TBCA: variants seen among roughly 807,000 people sequenced by gnomAD.
The protein encoded by TBCA is tubulin-specific chaperone A.
Under a neutral mutation model 15.8 loss-of-function variants are expected in TBCA, and 6 were observed. The ratio of observed to expected loss-of-function variants is 0.38; its 90% confidence interval spans 0.21 to 0.75. The LOEUF is 0.75. Ranked by LOEUF, TBCA falls within the 30% of genes least tolerant of loss-of-function variation. The pLI, the probability that TBCA is intolerant of heterozygous loss-of-function variation, is 0.46. For synonymous variants in TBCA, 32 were observed against 42.3 expected (o/e 0.76, Z 0.94); for missense variants, 90 against 131.2 (o/e 0.69, Z 1.53).
At chr5:77,774,721 A>G (rs1162714787) in intron 1 of TBCA, among the ~76,000 whole-genome samples, 1 of 152,192 alleles carries the variant, frequency 6.6e-6, no homozygotes, top group Non-Finnish European at 1.5e-5. Flanking sequence ...ACATGTCATC[A>G]GGACTTCCTG....
chr5:77,706,946 G>A (rs1013537264), intron 2 of TBCA, among the ~76,000 whole-genome samples: 1 of 152,102 alleles, frequency 6.6e-6, no homozygotes, highest in Non-Finnish European at 1.5e-5. Flanking sequence ...GTATCTGGAT[G>A]AGTGGAGGTA....
At chr5:77,739,503 T>A (rs1194178827) in intron 1 of TBCA, among the ~76,000 whole-genome samples, 1 of 152,156 alleles carries the variant, frequency 6.6e-6, no homozygotes, top group Non-Finnish European at 1.5e-5. Context: ...AGAAGGCCAA[T>A]CATCTTTGGC....
At chr5:77,747,293 A>C (rs1485152587) in intron 1 of TBCA, among the ~76,000 whole-genome samples, 2 of 152,148 alleles carry the variant, frequency 1.3e-5, no homozygotes, top group African/African-American at 4.8e-5. Flanking sequence ...CTTTCACTAC[A>C]TATAACATTG....
intron 2 of TBCA, chr5:77,694,101 T>G (rs1172484787): frequency 6.6e-6 from 1 of 152,182 alleles, no homozygotes; most frequent in African/African-American, 2.4e-5. Context: ...AGATAATTAC[T>G]GCATGAAAAA....
intron 1 of TBCA, among the ~76,000 whole-genome samples, chr5:77,765,488 G>A (rs1175992960): frequency 6.6e-6 from 1 of 152,194 alleles, no homozygotes; most frequent in Non-Finnish European, 1.5e-5. Context: ...AACTCTCATA[G>A]AGATGGTGAC....
chr5:77,713,903 A>AT (rs34071197), intron 1 of TBCA, among the ~76,000 whole-genome samples: 57,065 of 149,688 alleles, frequency 0.38, 10,838 homozygotes, highest in South Asian at 0.41. Flanking sequence ...GCAAGTAAAG[A>AT]TTTTTTTTTT....
intron 2 of TBCA, chr5:77,705,480 GA>G: frequency 2.5e-6 from 1 of 397,074 alleles, no homozygotes; most frequent in Non-Finnish European, 4.4e-6. Context: ...ATAATTTTAA[GA>G]ATAAAAAGTT....
At chr5:77,726,340 A>G (rs1232016912) in intron 1 of TBCA, among the ~76,000 whole-genome samples, 2 of 152,240 alleles carry the variant, frequency 1.3e-5, no homozygotes, top group East Asian at 3.8e-4. Context: ...TCTGGAATGG[A>G]GGCCACTGTT....
intron 1 of TBCA, among the ~76,000 whole-genome samples, chr5:77,722,315 G>T (rs1746544935): frequency 6.6e-6 from 1 of 152,006 alleles, no homozygotes; most frequent in Non-Finnish European, 1.5e-5. Context: ...GGGAAAATCT[G>T]TCCTTTAATT....
At chr5:77,750,570 ATAAT>A (rs1346133834) in intron 1 of TBCA, among the ~76,000 whole-genome samples, 2 of 152,232 alleles carry the variant, frequency 1.3e-5, no homozygotes, top group Non-Finnish European at 2.9e-5. Context: ...TTCACCTAAA[ATAAT>A]TAGTAGTAGC....
intron 1 of TBCA, among the ~76,000 whole-genome samples, chr5:77,759,264 A>T (rs1747549738): frequency 6.6e-6 from 1 of 152,230 alleles, no homozygotes; most frequent in Non-Finnish European, 1.5e-5. Flanking sequence ...TATTATCCGT[A>T]GAAAGGAACA....
intron 1 of TBCA, among the ~76,000 whole-genome samples, chr5:77,722,025 A>G (rs1746540278): frequency 6.6e-6 from 1 of 152,072 alleles, no homozygotes. Context: ...AAAAATATAT[A>G]AATTATGTCT....
chr5:77,719,053 G>A (rs1746470925), intron 1 of TBCA, among the ~76,000 whole-genome samples: 2 of 152,142 alleles, frequency 1.3e-5, no homozygotes, highest in South Asian at 4.1e-4. Flanking sequence ...GTGAAAATAT[G>A]TCTCATATCA....
chr5:77,692,950 C>T, intron 3 of TBCA: 1 of 1,300,370 alleles, frequency 7.7e-7, no homozygotes, highest in Non-Finnish European at 9.7e-7. Context: ...CTCAATGTCT[C>T]AAAAGATCTT....
intron 1 of TBCA, among the ~76,000 whole-genome samples, chr5:77,748,358 G>A (rs1377389594): frequency 2.0e-5 from 3 of 151,576 alleles, no homozygotes; most frequent in Non-Finnish European, 4.4e-5. Context: ...CTATTTCTGC[G>A]TGTGTGTGGA....
intron 1 of TBCA, among the ~76,000 whole-genome samples, chr5:77,725,748 C>CT (rs1273152566): frequency 6.6e-6 from 1 of 152,150 alleles, no homozygotes; most frequent in Non-Finnish European, 1.5e-5. Flanking sequence ...TTTTAATATC[C>CT]TTCCATCAGG....
In TBCA at chr5:77,761,979, A is replaced by T. The variant is rs1480166945; in HGVS notation, c.53+14226T>A. On this transcript the variant is annotated intron_variant, in intron 1 of 3. Transcript: ENST00000380377. The stretch of plus-strand genomic sequence containing the variant: ...TTAGATTAGTCTAAATCACATGACC[A>T]TGCAGAATCAGTTTCTGTGGCCAGG... Among the ~76,000 whole-genome samples the T allele has an allele frequency of 3.3e-5, 5 of 152,252 alleles. No individual in the cohort carries two copies. The East Asian group carries it at 7.7e-4, about 23-fold the overall frequency.
At chr5:77,750,131 GCTCTCT>G (rs146241816) in intron 1 of TBCA, among the ~76,000 whole-genome samples, 1 of 143,804 alleles carries the variant, frequency 7.0e-6, no homozygotes, top group East Asian at 2.2e-4. Context: ...GCAAATTTGT[GCTCTCT>G]CTCTATATAT....
rs527843715 is a variant in TBCA, at chr5:77,707,877, G to A, written c.159+365C>T. ...CTGTGTTCAAATCTTAGCTATGCCA[G>A]GTGTGGTGGCTCATGCCTGTAATCC... is the stretch of plus-strand genomic sequence containing the variant. On this transcript the variant is annotated intron_variant, in intron 2 of 3. Transcript: ENST00000380377. 7.9e-4 allele frequency among the ~76,000 whole-genome samples: 120 copies of A among 152,284 alleles called. No homozygotes were observed. In the South Asian group the frequency reaches 0.014, roughly 18 times the overall value.
Sources: gnomAD v4.1 joint callset for allele counts (sites outside exome capture counted in the v4.1 genomes callset) on GRCh38, gnomAD v4.1.1 for gene constraint, MANE v1.5 for transcripts, NCBI Gene and HGNC (gene_info 2026-07-23, HGNC 2026-07-21) for gene names.